Variants in ATAD2B observed in about 807,000 individuals in gnomAD.
ATAD2B encodes the protein ATPase family AAA domain-containing protein 2B.
Under a neutral mutation model 167.6 loss-of-function variants are expected in ATAD2B, and 40 were observed. The ratio of observed to expected loss-of-function variants is 0.24; its 90% CI spans 0.19 to 0.31. The LOEUF (loss-of-function observed/expected upper bound fraction) is 0.31. Ranked by LOEUF, ATAD2B falls within the 10% of genes least tolerant of loss-of-function variation. The pLI is 1.00. For synonymous variants in ATAD2B, 579 were observed against 596.5 expected (o/e 0.97, Z 0.43); for missense variants, 1,242 against 1,757.2 (o/e 0.71, Z 5.24).
intron 22 of ATAD2B, among the ~76,000 whole-genome samples, chr2:23,772,587 A>G (rs1211945367): frequency 6.6e-6 from 1 of 152,208 alleles, no homozygotes. Context: ...TATAAAGTGT[A>G]TCTTCTATCC....
chr2:23,927,081 C>A lies in ATAD2B; in HGVS notation c.-311G>T. The A allele has an allele frequency of 3.2e-6, 1 of 312,302 alleles. No homozygotes were observed. The highest frequency in any genetic ancestry group is 5.7e-5 in the East Asian group (1 of 17,408). The allele number at this position is 312,302 out of a possible 1,614,324, so 19.3% of individuals were successfully genotyped here. A position where few individuals can be genotyped will look rare whatever the true frequency, so the allele number is the denominator to read the frequency against. On this transcript the variant is annotated 5_prime_UTR_variant, in exon 1 of 28. Coordinates refer to ENST00000238789, the MANE Select transcript of ATAD2B (RefSeq NM_017552.4). The stretch of plus-strand genomic sequence containing the variant: ...CCCCTTTCTCTCCCGTTCTCGCTCT[C>A]GAGCTCCGTGCGTCAAGGCTCCAGC...
chr2:23,893,667 C>CTT (rs745557044), intron 2 of ATAD2B, among the ~76,000 whole-genome samples: 2,576 of 119,390 alleles, frequency 0.022, 110 homozygotes, highest in African/African-American at 0.077. Context: ...AAAAAAAAAA[C>CTT]TTTTTTTTTT....
the ATAD2B span, among the ~76,000 whole-genome samples, chr2:23,705,095 G>A: frequency 6.6e-6 from 1 of 152,242 alleles, no homozygotes; most frequent in African/African-American, 2.4e-5. Flanking sequence ...CCCTAATGGT[G>A]GCAGTGTGCA....
Position 23,869,748 on chromosome 2 carries a change from C to A in ATAD2B, c.991G>T (p.Ala331Ser), listed in dbSNP as rs866060247. ...GAAGTTGTGTCACTACTATGAATGG[C>A]ATGCTTCTTTCTCCTATTTAAAGAG... is the stretch of plus-strand genomic sequence containing the variant. Reference protein sequence around the residue: ...RRSHIRRKKHAIHSSDTTSSD... With the variant: ...RRSHIRRKKHSIHSSDTTSSD... The change falls in exon 9 of 28, where the codon GCC (alanine) becomes TCC (serine). Residue 331 changes from alanine to serine, a missense_variant. Ala to Ser is a moderately conservative substitution (Grantham distance 99, BLOSUM62 1). Around this residue, in one of 9 missense-constraint regions of ATAD2B, gnomAD observed 127 missense variants for 146.3 expected, o/e 0.87. Coordinates refer to ENST00000238789, the MANE Select transcript of ATAD2B (RefSeq NM_017552.4). 6.4e-7 allele frequency: 1 copy of A among 1,561,252 alleles called. No individual in the cohort carries two copies. Among genetic ancestry groups the A allele is most frequent in the Non-Finnish European group, 8.7e-7 (1 of 1,150,760 alleles).
chr2:23,844,000 G>A (rs560256775), intron 13 of ATAD2B, among the ~76,000 whole-genome samples: 5 of 152,178 alleles, frequency 3.3e-5, no homozygotes, highest in East Asian at 1.9e-4. Context: ...GTGCAGTGGC[G>A]TCATCTCAGC....
intron 22 of ATAD2B, among the ~76,000 whole-genome samples, chr2:23,771,021 G>A (rs1186227574): frequency 6.6e-6 from 1 of 152,048 alleles, no homozygotes; most frequent in Non-Finnish European, 1.5e-5. Context: ...ATATTTTATA[G>A]TTTTCAATGT....
At chr2:23,780,129 T>C (rs891690246) in intron 22 of ATAD2B, among the ~76,000 whole-genome samples, 1 of 151,900 alleles carries the variant, frequency 6.6e-6, no homozygotes, top group Non-Finnish European at 1.5e-5. Context: ...GTGCCTGTAT[T>C]ACCCAGCTAC....
At chr2:23,834,696 T>C (rs978997235) in intron 13 of ATAD2B, among the ~76,000 whole-genome samples, 1 of 152,022 alleles carries the variant, frequency 6.6e-6, no homozygotes, top group African/African-American at 2.4e-5. Context: ...TATTTGATAA[T>C]ATATATAATG....
chr2:23,843,764 A>G (rs890303545), intron 13 of ATAD2B, among the ~76,000 whole-genome samples: 1 of 152,172 alleles, frequency 6.6e-6, no homozygotes, highest in African/African-American at 2.4e-5. Flanking sequence ...TAGAAATAAG[A>G]GTACTCTACA....
chr2:23,771,809 C>T (rs776001818), intron 22 of ATAD2B, among the ~76,000 whole-genome samples: 1 of 152,160 alleles, frequency 6.6e-6, no homozygotes, highest in Non-Finnish European at 1.5e-5. Flanking sequence ...CACACATATG[C>T]ACTAACCAGT....
the ATAD2B span, among the ~76,000 whole-genome samples, chr2:23,694,278 C>T: frequency 2.0e-5 from 3 of 152,210 alleles, no homozygotes; most frequent in African/African-American, 7.2e-5. Context: ...GCTTAGCTTC[C>T]TCCCACTTCT....
chr2:23,845,297 CT>C (rs1240349787), intron 13 of ATAD2B, among the ~76,000 whole-genome samples: 1 of 152,086 alleles, frequency 6.6e-6, no homozygotes, highest in Non-Finnish European at 1.5e-5. Context: ...ATAGCCCAAA[CT>C]GGAAACAACC....
At chr2:23,700,860 G>A in the ATAD2B span, among the ~76,000 whole-genome samples, 1 of 152,038 alleles carries the variant, frequency 6.6e-6, no homozygotes, top group East Asian at 1.9e-4. This position sits in a 1 kb window ranked among gnomAD's most constrained non-coding sequence, Gnocchi z 4.6. Flanking sequence ...ACTCGCTGTT[G>A]GGACCTTGGC....
intron 20 of ATAD2B, among the ~76,000 whole-genome samples, chr2:23,786,578 A>G (rs1680849654): frequency 6.6e-6 from 1 of 152,104 alleles, no homozygotes. Context: ...TATAGTAAAA[A>G]TACAGTATTA....
the ATAD2B span, among the ~76,000 whole-genome samples, chr2:23,688,447 G>A: frequency 6.6e-6 from 1 of 152,198 alleles, no homozygotes; most frequent in African/African-American, 2.4e-5. Flanking sequence ...GGGTGGATGA[G>A]GGCCTCCATC....
chr2:23,871,438 G>A (rs142490623), intron 8 of ATAD2B, among the ~76,000 whole-genome samples: 2 of 152,092 alleles, frequency 1.3e-5, no homozygotes, highest in Non-Finnish European at 2.9e-5. Context: ...TACTATACCC[G>A]AGCACCCACT....
chr2:23,851,750 T>A, intron 13 of ATAD2B, among the ~76,000 whole-genome samples: 1 of 152,208 alleles, frequency 6.6e-6, no homozygotes, highest in East Asian at 1.9e-4. Flanking sequence ...AAAAATCTTT[T>A]ATACTCTGCC....
At chr2:23,888,185 C>G (rs949781507) in intron 3 of ATAD2B, among the ~76,000 whole-genome samples, 165 bp downstream of exon 3, 1 of 152,122 alleles carries the variant, frequency 6.6e-6, no homozygotes, top group Non-Finnish European at 1.5e-5. Flanking sequence ...ATGCTGATTT[C>G]TCAAAGTTTA....
At chr2:23,872,780 A>T in intron 8 of ATAD2B, 1 of 932,280 alleles carries the variant, frequency 1.1e-6, no homozygotes, top group Non-Finnish European at 1.8e-6. Context: ...AGGCAACCAC[A>T]TCTGATCAAT....
Sources: gnomAD v4.1 joint callset for allele counts (sites outside exome capture counted in the v4.1 genomes callset) on GRCh38, gnomAD v4.1.1 for gene constraint, gnomAD v4.1.1 regional missense constraint, Gnocchi (gnomAD v3.1) non-coding constraint, MANE v1.5 for transcripts, NCBI Gene and HGNC (gene_info 2026-07-23, HGNC 2026-07-21) for gene names.